KLHL1: variants seen among roughly 807,000 people sequenced by gnomAD.
KLHL1 encodes the protein kelch-like protein 1.
In KLHL1, 47 loss-of-function variants were observed where a neutral mutation model predicts 77.7. That is an observed-to-expected ratio of 0.60 (90% CI 0.48 to 0.77). The LOEUF (loss-of-function observed/expected upper bound fraction) is 0.77. KLHL1 is among the 30% of genes least tolerant of loss of function. KLHL1 has a pLI of 0.00. For missense variants in KLHL1, 925 were observed against 910.8 expected, an observed-to-expected ratio of 1.02 and a Z score of -0.20; for synonymous variants, 360 against 325.2, an observed-to-expected ratio of 1.11 and a Z score of -1.15.
intron 4 of KLHL1, among the ~76,000 whole-genome samples, chr13:69,904,910 A>G (rs535908204): frequency 6.6e-6 from 1 of 152,250 alleles, no homozygotes; most frequent in Admixed American, 6.5e-5. Flanking sequence ...TGATTCCCAT[A>G]ACTGCATTTT....
At chr13:70,075,691 G>GTGTATATATATATATATACACACACA (rs1566555065) in intron 1 of KLHL1, among the ~76,000 whole-genome samples, 1 of 137,366 alleles carries the variant, frequency 7.3e-6, no homozygotes, top group East Asian at 2.1e-4. Context: ...ATACACACAC[G>GTGTATATATATATATATACACACACA]TGTGTATATA....
intron 3 of KLHL1, among the ~76,000 whole-genome samples, chr13:69,952,903 A>G (rs953728795): frequency 2.0e-5 from 3 of 151,358 alleles, no homozygotes; most frequent in Non-Finnish European, 3.0e-5. Context: ...CTATCAGCAA[A>G]TCATATCATC....
intron 2 of KLHL1, among the ~76,000 whole-genome samples, chr13:69,972,747 G>A (rs1450396090): frequency 6.6e-6 from 1 of 151,830 alleles, no homozygotes; most frequent in African/African-American, 2.4e-5. Context: ...GGCTAAGGGG[G>A]AAGAAAACTT....
intron 1 of KLHL1, among the ~76,000 whole-genome samples, chr13:70,025,873 A>G (rs1370009235): frequency 4.6e-5 from 7 of 152,102 alleles, no homozygotes; most frequent in Non-Finnish European, 8.8e-5. Context: ...AGCTGTTAAA[A>G]TAACAGAGAC....
At position 70,039,810 on chromosome 13, in the gene KLHL1, T is replaced by A. The variant is rs899268974; in HGVS notation, c.498-64008A>T. Among the ~76,000 whole-genome samples, 5 of 152,108 alleles carry A rather than the reference T, an allele frequency of 3.3e-5. No homozygotes were observed. The East Asian group carries it at 5.8e-4, about 18-fold the overall frequency. The stretch of plus-strand genomic sequence containing the variant: ...ATGTACCATCATGCCTAGCTAATTT[T>A]TAAAATTTTTAGTACAGATGGGTTT... On this transcript the variant is annotated intron_variant, in intron 1 of 10. Coordinates refer to ENST00000377844, the MANE Select transcript of KLHL1 (RefSeq NM_020866.3).
chr13:69,721,089 A>ATATACATATATACAAATT, intron 8 of KLHL1, among the ~76,000 whole-genome samples: 1 of 77,986 alleles, frequency 1.3e-5, no homozygotes, highest in East Asian at 4.5e-4. Context: ...AAAGCTATGT[A>ATATACATATATACAAATT]CCTCCCTTAC....
chr13:69,707,399 A>G (rs1875673006), intron 10 of KLHL1, among the ~76,000 whole-genome samples: 1 of 151,968 alleles, frequency 6.6e-6, no homozygotes, highest in Non-Finnish European at 1.5e-5. Flanking sequence ...AATCTTATTA[A>G]GTATGTATGT....
At chr13:69,802,631 T>A (rs1877435272) in intron 6 of KLHL1, among the ~76,000 whole-genome samples, 1 of 151,888 alleles carries the variant, frequency 6.6e-6, no homozygotes, top group Non-Finnish European at 1.5e-5. Context: ...ACTGTGAAAA[T>A]CCCTGTTCTG....
chr13:70,081,340 G>A (rs1399451158), intron 1 of KLHL1, among the ~76,000 whole-genome samples: 3 of 152,146 alleles, frequency 2.0e-5, no homozygotes, highest in Non-Finnish European at 2.9e-5. Context: ...GCATGTCTTA[G>A]CTGTGAGTCC....
At chr13:70,046,480 G>A (rs1297265790) in intron 1 of KLHL1, among the ~76,000 whole-genome samples, 2 of 151,894 alleles carry the variant, frequency 1.3e-5, no homozygotes, top group Non-Finnish European at 2.9e-5. Flanking sequence ...TTGTTTGTTT[G>A]TTTTGTTTCA....
At chr13:69,893,226 ATT>A (rs1175438919) in intron 4 of KLHL1, among the ~76,000 whole-genome samples, 8 of 142,438 alleles carry the variant, frequency 5.6e-5, no homozygotes, top group African/African-American at 5.2e-5. Context: ...AGCTACATAA[ATT>A]TTTTTTTTTT....
intron 9 of KLHL1, among the ~76,000 whole-genome samples, chr13:69,711,240 G>A: frequency 6.6e-6 from 1 of 152,020 alleles, no homozygotes; most frequent in East Asian, 1.9e-4. Context: ...TATTTAGATA[G>A]ACAGCAATTA....
chr13:69,947,701 A>G (rs1184283635), intron 3 of KLHL1, among the ~76,000 whole-genome samples: 1 of 152,172 alleles, frequency 6.6e-6, no homozygotes. Context: ...ACTATATCCA[A>G]TGAAAGAATC....
chr13:69,899,191 C>T (rs77786747), intron 4 of KLHL1, among the ~76,000 whole-genome samples: 113 of 152,146 alleles, frequency 7.4e-4, no homozygotes, highest in African/African-American at 2.4e-3. Flanking sequence ...AAATGTGATT[C>T]GACTCGATTT....
intron 5 of KLHL1, among the ~76,000 whole-genome samples, chr13:69,847,404 C>CAAAAAAAAAAA (rs11357077): frequency 9.6e-5 from 14 of 145,930 alleles, no homozygotes; most frequent in Middle Eastern, 3.6e-3. Flanking sequence ...ACTGCATTAG[C>CAAAAAAAAAAA]AAAAAAAAAA....
At chr13:69,814,193 C>A (rs2325233) in intron 6 of KLHL1, among the ~76,000 whole-genome samples, 2,138 of 151,962 alleles carry the variant, frequency 0.014, 23 homozygotes, top group Non-Finnish European at 0.025. Flanking sequence ...GCTTACCATA[C>A]GCAGAAAAAT....
chr13:69,919,786 G>T (rs899275938), intron 4 of KLHL1, among the ~76,000 whole-genome samples: 1 of 151,988 alleles, frequency 6.6e-6, no homozygotes, highest in African/African-American at 2.4e-5. Flanking sequence ...TTTAGGTTTA[G>T]GTTATAATTT....
At chr13:69,781,906 T>G (rs1876232873) in intron 7 of KLHL1, among the ~76,000 whole-genome samples, 1 of 128,880 alleles carries the variant, frequency 7.8e-6, no homozygotes, top group Non-Finnish European at 1.7e-5. Flanking sequence ...TTTCCCATAA[T>G]TTAATAGTCA....
intron 9 of KLHL1, among the ~76,000 whole-genome samples, chr13:69,709,147 C>T (rs1286432328): frequency 6.6e-6 from 1 of 151,784 alleles, no homozygotes; most frequent in African/African-American, 2.4e-5. Flanking sequence ...ACACAGGCTG[C>T]CCAGCACATA....
Sources: gnomAD v4.1 joint callset for allele counts (sites outside exome capture counted in the v4.1 genomes callset) on GRCh38, gnomAD v4.1.1 for gene constraint, MANE v1.5 for transcripts, NCBI Gene and HGNC (gene_info 2026-07-23, HGNC 2026-07-21) for gene names.